The following SOS1 variants were observed in gnomAD, a reference collection of about 807,000 sequenced individuals.
SOS1 encodes the protein SOS Ras/Rac guanine nucleotide exchange factor 1, also known as son of sevenless homolog 1.
SOS1 carries 25 observed loss-of-function variants against 157.6 expected under a neutral mutation model. That is an observed-to-expected ratio of 0.16 (90% CI 0.12 to 0.22). The LOEUF is 0.22. Ranked by LOEUF, SOS1 falls within the 10% of genes least tolerant of loss-of-function variation. The pLI is 1.00. For missense variants in SOS1, 1,237 were observed against 1,599.1 expected (o/e 0.77, Z 3.86); for synonymous variants, 528 against 534.0 (o/e 0.99, Z 0.16).
chr2:39,120,699 C>T lies in SOS1; in HGVS notation c.-277G>A, dbSNP rs1216833536. 6.8e-6 allele frequency among the ~76,000 whole-genome samples: 1 copy of T among 146,706 alleles called. No homozygotes were observed. The highest frequency in any genetic ancestry group is 1.5e-5 in the Non-Finnish European group (1 of 65,920). ...ACCGCCCCGGGGCCAGGCCCCCCGC[C>T]CCTCCCCGGCCCGCCGGCGCCGCCC... On this transcript the variant is annotated 5_prime_UTR_variant, in exon 1 of 23. Transcript: ENST00000402219.
intron 1 of SOS1, among the ~76,000 whole-genome samples, chr2:39,085,049 A>ATTTAT (rs1672325117): frequency 6.6e-6 from 1 of 151,454 alleles, no homozygotes; most frequent in South Asian, 2.1e-4. Flanking sequence ...TTTTATTTGT[A>ATTTAT]TTTATTTATT....
chr2:38,990,207 A>C (rs1363011589), intron 20 of SOS1, among the ~76,000 whole-genome samples: 2 of 150,882 alleles, frequency 1.3e-5, no homozygotes, highest in East Asian at 1.9e-4. Flanking sequence ...TCCCTCACAT[A>C]ATTTGGAATA....
chr2:39,077,415 A>G, intron 1 of SOS1, among the ~76,000 whole-genome samples: 1 of 152,164 alleles, frequency 6.6e-6, no homozygotes. Context: ...TTAAGGAAGT[A>G]CCATAATATC....
intron 1 of SOS1, among the ~76,000 whole-genome samples, chr2:39,083,097 G>C (rs1188863407): frequency 1.3e-5 from 2 of 152,136 alleles, no homozygotes; most frequent in East Asian, 3.8e-4. Context: ...TGGACTTGCA[G>C]AGAATTACAT....
intron 6 of SOS1, among the ~76,000 whole-genome samples, chr2:39,044,843 C>T (rs1319085932): frequency 3.5e-5 from 4 of 114,872 alleles, no homozygotes; most frequent in East Asian, 2.5e-4. Context: ...TGACTGTGTA[C>T]ACACACATGC....
At chr2:39,082,462 C>T (rs1672238234) in intron 1 of SOS1, 1 of 151,526 alleles carries the variant, frequency 6.6e-6, no homozygotes, top group East Asian at 1.9e-4. Context: ...AAAACTGGAT[C>T]TATGTTAATG....
At chr2:39,051,782 A>G (rs1049029219) in intron 5 of SOS1, among the ~76,000 whole-genome samples, 1 of 152,222 alleles carries the variant, frequency 6.6e-6, no homozygotes, top group Non-Finnish European at 1.5e-5. Flanking sequence ...ATAGCGTACT[A>G]GAAGACAGCA....
At chr2:39,075,535 G>T (rs1349803822) in intron 1 of SOS1, among the ~76,000 whole-genome samples, 5 of 151,784 alleles carry the variant, frequency 3.3e-5, no homozygotes, top group African/African-American at 1.2e-4. Flanking sequence ...CACGTGTGGT[G>T]GTTGACGCCT....
At chr2:39,007,479 G>T (rs907605182) in intron 15 of SOS1, 53 of 372,196 alleles carry the variant, frequency 1.4e-4, no homozygotes, top group African/African-American at 1.0e-3. Flanking sequence ...CCACTATCTT[G>T]TGGAATGTAT....
At chr2:39,065,357 C>T (rs948999876) in intron 2 of SOS1, among the ~76,000 whole-genome samples, 2 of 152,166 alleles carry the variant, frequency 1.3e-5, no homozygotes, top group Admixed American at 1.3e-4. Flanking sequence ...CTCTTCCATT[C>T]TCATGTAAAG....
rs540475730 is a variant in SOS1, at chr2:39,013,759, C to G, written c.2063+108G>C. 1.2e-5 allele frequency: 12 copies of G among 1,001,268 alleles called. No individual in the cohort carries two copies. In the African/African-American group the frequency reaches 1.9e-4, roughly 16 times the overall value. 62.0% of individuals were successfully genotyped at this position (1,001,268 alleles called of 1,614,324 possible). A position where few individuals can be genotyped will look rare whatever the true frequency, so the allele number is the denominator to read the frequency against. ...TGCTCTAATTAGTAAATTTAATTTA[C>G]TAATTTTATTGTCACCCCTCTCCTT... On this transcript the variant is annotated intron_variant, in intron 12 of 22. Transcript: ENST00000402219.
chr2:38,993,128 A>C (rs1206901351), intron 20 of SOS1: 1 of 152,000 alleles, frequency 6.6e-6, no homozygotes, highest in Non-Finnish European at 1.5e-5. Flanking sequence ...TCAGTCACCA[A>C]ATAATGCCAA....
At chr2:38,988,058 G>GTT (rs1265359661) in intron 21 of SOS1, among the ~76,000 whole-genome samples, 6 of 152,090 alleles carry the variant, frequency 3.9e-5, no homozygotes, top group African/African-American at 1.4e-4. Flanking sequence ...TCTCTCCAAT[G>GTT]TCTCTCCCTA....
intron 3 of SOS1, among the ~76,000 whole-genome samples, chr2:39,057,336 T>C (rs553981955): frequency 1.9e-4 from 29 of 152,296 alleles, no homozygotes; most frequent in African/African-American, 6.7e-4. Context: ...AGCGGGCATA[T>C]TCCTGGTATT....
chr2:39,033,238 A>AG (rs1483814747), intron 8 of SOS1, among the ~76,000 whole-genome samples: 3 of 150,122 alleles, frequency 2.0e-5, no homozygotes, highest in African/African-American at 4.9e-5. Flanking sequence ...AAAAAAAAAA[A>AG]GTGATGAGAG....
intron 1 of SOS1, among the ~76,000 whole-genome samples, chr2:39,084,731 T>G (rs1284964378): frequency 1.3e-5 from 2 of 152,218 alleles, no homozygotes; most frequent in Admixed American, 1.3e-4. Flanking sequence ...ACTATACACA[T>G]CAAATTCCAA....
At chr2:39,046,045 T>C (rs1670771433) in intron 6 of SOS1, among the ~76,000 whole-genome samples, 1 of 152,212 alleles carries the variant, frequency 6.6e-6, no homozygotes, top group Non-Finnish European at 1.5e-5. Flanking sequence ...ATATAATTAC[T>C]CTCTTTAAAT....
chr2:39,102,553 AAAG>A (rs1558514206), intron 1 of SOS1, among the ~76,000 whole-genome samples: 38 of 150,628 alleles, frequency 2.5e-4, no homozygotes, highest in African/African-American at 8.3e-4. Flanking sequence ...AAAAAAAAAA[AAAG>A]AAGAATTCCG....
At chr2:39,037,541 T>C (rs1448034945) in intron 6 of SOS1, among the ~76,000 whole-genome samples, 1 of 152,196 alleles carries the variant, frequency 6.6e-6, no homozygotes, top group Non-Finnish European at 1.5e-5. Flanking sequence ...AAAAAAAAAT[T>C]CTGTAATTTG....
Sources: allele counts gnomAD v4.1 joint callset (sites outside exome capture counted in the v4.1 genomes callset), GRCh38; gene constraint gnomAD v4.1.1; transcripts MANE v1.5; gene names NCBI Gene and HGNC (gene_info 2026-07-23, HGNC 2026-07-21).